The following ERBB4 variants were observed in gnomAD, a reference collection of about 807,000 sequenced individuals.
ERBB4 encodes the protein erb-b2 receptor tyrosine kinase 4.
A neutral mutation model predicts 158.0 loss-of-function variants in ERBB4; 42 were observed. The observed-to-expected ratio is 0.27, with a 90% confidence interval of 0.21 to 0.34. The LOEUF (loss-of-function observed/expected upper bound fraction) is 0.34, where lower values mean the gene tolerates loss of function less well. Ranked by LOEUF, ERBB4 falls within the 10% of genes least tolerant of loss-of-function variation. The pLI is 1.00. For missense variants in ERBB4, 1,333 were observed against 1,624.1 expected (o/e 0.82, Z 3.08); for synonymous variants, 583 against 558.7 (o/e 1.04, Z -0.61).
intron 1 of ERBB4, among the ~76,000 whole-genome samples, chr2:212,509,578 A>G (rs932668139): frequency 3.9e-5 from 6 of 152,012 alleles, no homozygotes; most frequent in Non-Finnish European, 5.9e-5. Context: ...TTTAATTTAA[A>G]TAAGTTTATG....
intron 20 of ERBB4, among the ~76,000 whole-genome samples, chr2:211,546,946 C>T (rs1034373623): frequency 2.0e-5 from 3 of 151,944 alleles, no homozygotes; most frequent in African/African-American, 2.4e-5. Flanking sequence ...GAGGTGGATG[C>T]GGTTGTAAAG....
intron 25 of ERBB4, among the ~76,000 whole-genome samples, chr2:211,418,727 T>C (rs373076440): frequency 2.7e-4 from 41 of 152,240 alleles, no homozygotes; most frequent in African/African-American, 8.7e-4. Flanking sequence ...AATGAATTTG[T>C]CACTTAAAAT....
At chr2:211,552,168 T>C (rs1338159406) in intron 20 of ERBB4, among the ~76,000 whole-genome samples, 2 of 151,712 alleles carry the variant, frequency 1.3e-5, no homozygotes, top group African/African-American at 4.8e-5. Context: ...CAATTAGAAA[T>C]ATGACATGGA....
intron 3 of ERBB4, among the ~76,000 whole-genome samples, chr2:211,925,680 G>C (rs1425905949): frequency 6.6e-6 from 1 of 151,992 alleles, no homozygotes; most frequent in African/African-American, 2.4e-5. Flanking sequence ...ACGCCCAGCT[G>C]TAAGACTGCT....
At chr2:212,496,996 A>G (rs1391625955) in intron 1 of ERBB4, among the ~76,000 whole-genome samples, 2 of 152,022 alleles carry the variant, frequency 1.3e-5, no homozygotes, top group Non-Finnish European at 2.9e-5. Context: ...CCTGGCCAAC[A>G]TGGTGAAATC....
intron 3 of ERBB4, among the ~76,000 whole-genome samples, chr2:211,904,095 A>G (rs189583440): frequency 1.1e-4 from 16 of 152,276 alleles, no homozygotes; most frequent in Admixed American, 1.0e-3. Flanking sequence ...AAAGGCAAAT[A>G]AATACTGTTC....
intron 1 of ERBB4, among the ~76,000 whole-genome samples, chr2:212,250,829 A>C (rs1450383408): frequency 3.9e-5 from 6 of 151,906 alleles, no homozygotes; most frequent in African/African-American, 4.8e-5. Flanking sequence ...CAAGGGTAAA[A>C]AGTAAAAGAG....
At chr2:211,547,568 T>C (rs1010288835) in intron 20 of ERBB4, among the ~76,000 whole-genome samples, 2 of 152,114 alleles carry the variant, frequency 1.3e-5, no homozygotes, top group African/African-American at 4.8e-5. Context: ...ACAAAAGCCA[T>C]AGGGGAGCAA....
chr2:212,209,612 C>T (rs183508899), intron 1 of ERBB4, among the ~76,000 whole-genome samples: 4 of 152,064 alleles, frequency 2.6e-5, no homozygotes, highest in East Asian at 1.9e-4. Flanking sequence ...GAATAGTGTT[C>T]CCCCAAAATT....
chr2:212,180,409 CA>C (rs1160381730), intron 1 of ERBB4, among the ~76,000 whole-genome samples: 8 of 151,620 alleles, frequency 5.3e-5, no homozygotes, highest in African/African-American at 1.7e-4. Flanking sequence ...TCCACTTAGA[CA>C]GACTAAAAAC....
At chr2:211,571,041 C>CTTTTTTTT (rs549254649) in intron 19 of ERBB4, among the ~76,000 whole-genome samples, 12 of 109,076 alleles carry the variant, frequency 1.1e-4, no homozygotes, top group African/African-American at 1.8e-4. Context: ...TACTCTTCTT[C>CTTTTTTTT]TTTTTTTTTT....
chr2:212,459,548 ACTCT>A (rs1203285123), intron 1 of ERBB4, among the ~76,000 whole-genome samples: 1 of 152,072 alleles, frequency 6.6e-6, no homozygotes, highest in African/African-American at 2.4e-5. Context: ...TGTTCAATAC[ACTCT>A]CTCTCAAAAT....
chr2:212,372,146 C>A (rs2090110189), intron 1 of ERBB4, among the ~76,000 whole-genome samples: 1 of 152,010 alleles, frequency 6.6e-6, no homozygotes, highest in South Asian at 2.1e-4. Context: ...TCGTAGCCCC[C>A]TTTTCCTTAC....
intron 2 of ERBB4, among the ~76,000 whole-genome samples, chr2:211,993,974 T>TC (rs140195212): frequency 6.6e-6 from 1 of 151,840 alleles, no homozygotes; most frequent in Admixed American, 6.6e-5. Context: ...TAGTGTCTTT[T>TC]CCCATATATT....
At chr2:212,032,527 C>T (rs550459207) in intron 2 of ERBB4, among the ~76,000 whole-genome samples, 3 of 152,066 alleles carry the variant, frequency 2.0e-5, no homozygotes, top group African/African-American at 7.2e-5. Context: ...TAGTTTAATA[C>T]CTTCACCACT....
intron 1 of ERBB4, among the ~76,000 whole-genome samples, chr2:212,135,020 T>C (rs1177265497): frequency 6.6e-6 from 1 of 152,166 alleles, no homozygotes; most frequent in Admixed American, 6.5e-5. Flanking sequence ...TTGAGCCTAA[T>C]GAAAAGAACT....
At chr2:211,870,763 T>G (rs143442063) in intron 3 of ERBB4, among the ~76,000 whole-genome samples, 553 of 152,266 alleles carry the variant, frequency 3.6e-3, no homozygotes, top group African/African-American at 0.013. Context: ...GTATATATAC[T>G]CTCAGTGTCT....
chr2:211,732,631 C>T (rs548019802), intron 5 of ERBB4, among the ~76,000 whole-genome samples: 11 of 152,104 alleles, frequency 7.2e-5, no homozygotes, highest in East Asian at 1.9e-4. Context: ...GCTGTACAGT[C>T]GCTACTGAAA....
At chr2:211,464,625 T>C (rs1181512374) in intron 20 of ERBB4, among the ~76,000 whole-genome samples, 3 of 152,172 alleles carry the variant, frequency 2.0e-5, no homozygotes, top group Admixed American at 2.0e-4. Flanking sequence ...ATGCATGTTC[T>C]ACAACTATAA....
Sources: allele counts gnomAD v4.1 joint callset (sites outside exome capture counted in the v4.1 genomes callset), GRCh38; gene constraint gnomAD v4.1.1; transcripts MANE v1.5; gene names NCBI Gene and HGNC (gene_info 2026-07-23, HGNC 2026-07-21).